Variants in ZCWPW1 observed in about 807,000 individuals in gnomAD.
ZCWPW1 encodes the protein zinc finger CW-type PWWP domain protein 1.
Under a neutral mutation model 81.3 loss-of-function variants are expected in ZCWPW1, and 56 were observed. The observed-to-expected ratio is 0.69, with a 90% CI of 0.56 to 0.86. ZCWPW1 has a LOEUF of 0.86. Ranked by LOEUF, ZCWPW1 falls within the 40% of genes least tolerant of loss-of-function variation. The pLI, the probability that ZCWPW1 is intolerant of heterozygous loss-of-function variation, is 0.00. For missense variants in ZCWPW1, 650 were observed against 769.8 expected, an observed-to-expected ratio of 0.84 and a Z score of 1.84; for synonymous variants, 250 against 273.7, an observed-to-expected ratio of 0.91 and a Z score of 0.86.
At position 100,403,689 on chromosome 7, in the gene ZCWPW1, C is replaced by T; in HGVS notation, c.1413+5G>A. On this transcript the variant is annotated splice_donor_5th_base_variant and intron_variant, in intron 15 of 17. Coordinates refer to ENST00000684423, the MANE Select transcript of ZCWPW1 (RefSeq NM_001386010.1). ...AATAAAAACTGAAATTAAAGCTAATCTTACTGTTTTCTCTCCTTCCTCCTT... is the reference window on the plus strand; with the variant it reads ...AATAAAAACTGAAATTAAAGCTAATTTTACTGTTTTCTCTCCTTCCTCCTT... 1.2e-6 allele frequency: 2 copies of T among 1,605,970 alleles called. No homozygotes were observed. Among genetic ancestry groups the T allele is most frequent in the East Asian group, 2.2e-5 (1 of 44,686 alleles).
rs201989132 is a variant in ZCWPW1 at position 100,404,290 on chromosome 7, C to T, written c.1255-46G>A. Reference sequence around the variant, plus strand: ...AAGCATCATCCACTACCCTTTCAGGCGCAGCTTTTGCCTTCTGTCTTCTGG... The same window carrying T: ...AAGCATCATCCACTACCCTTTCAGGTGCAGCTTTTGCCTTCTGTCTTCTGG... On this transcript the variant is annotated intron_variant, in intron 13 of 17. Transcript: ENST00000684423. 2.4e-5 allele frequency: 38 copies of T among 1,574,308 alleles called. No homozygotes were observed. In the Middle Eastern group the frequency reaches 5.0e-4, roughly 21 times the overall value.
In ZCWPW1 at chr7:100,401,914, T is replaced by C. The variant is rs568467361; in HGVS notation, c.1602A>G (p.Gln534=). The change falls in exon 17 of 18, where the codon CAA becomes CAG. Residue 534 remains glutamine (Q), a synonymous_variant. Transcript: ENST00000684423. ...CTGGCTGGTCAGAATCTGAATTCCC[T>C]TGGCCTTCTTTCCTTCCCATTCTGG... is the stretch of plus-strand genomic sequence containing the variant. ...PAPRMGRKEG[Q]GNSDSDQPGP... 8.7e-6 allele frequency: 14 copies of C among 1,613,942 alleles called. No individual in the cohort carries two copies. In the African/African-American group the frequency reaches 1.9e-4, roughly 22 times the overall value.
chr7:100,422,497 G>A (rs1390005658), intron 2 of ZCWPW1, among the ~76,000 whole-genome samples: 3 of 152,158 alleles, frequency 2.0e-5, no homozygotes, highest in Non-Finnish European at 4.4e-5. Context: ...ACTCATCTGC[G>A]AACATTCCAG....
At chr7:100,416,743 C>T (rs575060238) in intron 6 of ZCWPW1, among the ~76,000 whole-genome samples, 46 of 152,106 alleles carry the variant, frequency 3.0e-4, no homozygotes, top group African/African-American at 1.0e-3. Context: ...GTCAGGAGTT[C>T]GAGACCAACC....
At chr7:100,403,549 T>C (rs1221736614) in intron 15 of ZCWPW1, 145 bp downstream of exon 15, 2 of 411,916 alleles carry the variant, frequency 4.9e-6, no homozygotes, top group Non-Finnish European at 8.5e-6. Flanking sequence ...GTTGGCCAGG[T>C]GTGGTGGCTC....
Position 100,419,658 on chromosome 7 carries a change from A to C in ZCWPW1, c.254T>G (p.Ile85Ser). The change falls in exon 4 of 18, where the codon ATC (isoleucine) becomes AGC (serine). Residue 85 changes from isoleucine (I) to serine (S), a missense_variant. By Grantham distance (142) the Ile-to-Ser change is moderately radical. Coordinates refer to ENST00000684423, the MANE Select transcript of ZCWPW1 (RefSeq NM_001386010.1). ...TTCTTTCTTCTCTGCTTGCTTGTTG[A>C]TTTGTGCCTTTCTTTTTTTCTCCTG... ...REQEKKRKAQ[I>S]NKQAEKKEKE... 1 of 1,611,854 alleles carries C rather than the reference A, an allele frequency of 6.2e-7. No individual in the cohort carries two copies. The highest frequency in any genetic ancestry group is 8.5e-7 in the Non-Finnish European group (1 of 1,179,514).
rs544426111 is a variant in ZCWPW1 at position 100,407,054 on chromosome 7, T to C, written c.1068+174A>G. ...GGATAAATATTTAATTAGATACAAG[T>C]TTGTTTCTATTATATGTGTGAGCAC... On this transcript the variant is annotated intron_variant, in intron 11 of 17. Coordinates refer to ENST00000684423, the MANE Select transcript of ZCWPW1 (RefSeq NM_001386010.1). 1.4e-3 allele frequency among the ~76,000 whole-genome samples: 212 copies of C among 152,220 alleles called. 6 individuals carry two copies. Among genetic ancestry groups the C allele is most frequent in the Admixed American group, 0.013 (205 of 15,302 alleles).
chr7:100,401,189 T>C lies in ZCWPW1; in HGVS notation c.1775A>G (p.His592Arg). Reference sequence around the variant, plus strand: ...AGCCTCCTGGGTCAGGGGTTCCCGGTGTCTGGGCTCTTCTTTCGCAGATGA... The same window carrying C: ...AGCCTCCTGGGTCAGGGGTTCCCGGCGTCTGGGCTCTTCTTTCGCAGATGA... ...CPSSAKEEPR[H>R]REPLTQEAGS... Residue 592 changes from histidine (H) to arginine (R), a missense_variant, in exon 18 of 18, where the codon CAC becomes CGC. His to Arg is a conservative substitution (Grantham distance 29). Transcript: ENST00000684423. 1 of 1,614,214 alleles carries C rather than the reference T, an allele frequency of 6.2e-7. No homozygotes were observed. The highest frequency in any genetic ancestry group is 8.5e-7 in the Non-Finnish European group (1 of 1,180,030).
At position 100,405,095 on chromosome 7, in the gene ZCWPW1, T is replaced by C. The variant is rs767929906; in HGVS notation, c.1174-2A>G. 1.7e-5 allele frequency: 28 copies of C among 1,611,602 alleles called. No homozygotes were observed. The highest frequency in any genetic ancestry group is 2.3e-5 in the Non-Finnish European group (27 of 1,179,054). On this transcript the variant is annotated splice_acceptor_variant, in intron 12 of 17. Coordinates refer to ENST00000684423, the MANE Select transcript of ZCWPW1 (RefSeq NM_001386010.1). LOFTEE classifies it high-confidence loss of function. ...GCTGCAGTCATTTCTGCGCTTTTTC[T>C]GAAATAGAAGATTAGAGCCAATGAT...
intron 2 of ZCWPW1, among the ~76,000 whole-genome samples, chr7:100,424,005 G>A (rs1439582169): frequency 2.0e-5 from 3 of 151,328 alleles, no homozygotes; most frequent in Non-Finnish European, 2.9e-5. Flanking sequence ...AGGAGGCGGA[G>A]GTTGCAGTGA....
intron 15 of ZCWPW1, among the ~76,000 whole-genome samples, chr7:100,403,424 C>T (rs1219450214): frequency 2.6e-5 from 4 of 152,010 alleles, no homozygotes; most frequent in African/African-American, 7.2e-5. Flanking sequence ...ACTGTGTTAG[C>T]CAGGATGGTC....
intron 1 of ZCWPW1, among the ~76,000 whole-genome samples, chr7:100,426,079 C>T (rs1797267311): frequency 1.3e-5 from 2 of 152,244 alleles, no homozygotes. Flanking sequence ...ATTTCCTCTT[C>T]CTAACCATCC....
At chr7:100,418,034 G>A (rs368798433) in intron 5 of ZCWPW1, among the ~76,000 whole-genome samples, 5 of 151,860 alleles carry the variant, frequency 3.3e-5, no homozygotes, top group Non-Finnish European at 5.9e-5. Flanking sequence ...AGAGGTGCAC[G>A]CCACCACGCC....
Position 100,401,058 on chromosome 7 carries a change from T to C in ZCWPW1, c.1906A>G (p.Asn636Asp). 1.2e-6 allele frequency: 2 copies of C among 1,614,042 alleles called. No individual in the cohort carries two copies. The highest frequency in any genetic ancestry group is 1.7e-6 in the Non-Finnish European group (2 of 1,179,934). ...ACGGGGAAGTCCTCGCCATCACTGT[T>C]GCTGTGCTGCAGCTCCCCGCTCTGC... ...LGQSGELQHSNSDGEDFPVAL... is the reference protein window; with the variant it reads ...LGQSGELQHSDSDGEDFPVAL... Residue 636 changes from asparagine to aspartate, a missense_variant, in exon 18 of 18, where the codon AAC (asparagine) becomes GAC (aspartate). Physicochemically the swap from Asn to Asp is conservative, Grantham distance 23. Transcript: ENST00000684423.
chr7:100,416,990 G>T, intron 6 of ZCWPW1, 76 bp downstream of exon 6: 3 of 1,024,290 alleles, frequency 2.9e-6, no homozygotes, highest in Non-Finnish European at 3.0e-6. Context: ...CAGATAGACA[G>T]ACAGATAGAT....
At chr7:100,420,175 AG>A (rs943732252) in intron 3 of ZCWPW1, among the ~76,000 whole-genome samples, 3 of 152,236 alleles carry the variant, frequency 2.0e-5, no homozygotes, top group Non-Finnish European at 4.4e-5. Flanking sequence ...CAGGAAGCTG[AG>A]TTATCCAAAT....
chr7:100,406,882 A>C, intron 11 of ZCWPW1, 84 bp from the exon 12 acceptor site: 1 of 1,259,510 alleles, frequency 7.9e-7, no homozygotes, highest in South Asian at 1.3e-5. Flanking sequence ...GGAGAATGGG[A>C]ATTCACCCAG....
intron 8 of ZCWPW1, among the ~76,000 whole-genome samples, chr7:100,412,809 C>T (rs1327990394): frequency 6.6e-6 from 1 of 152,174 alleles, no homozygotes; most frequent in African/African-American, 2.4e-5. Flanking sequence ...TCTTGATCTC[C>T]TGACCTCGTG....
intron 2 of ZCWPW1, among the ~76,000 whole-genome samples, chr7:100,423,124 A>T (rs970127317): frequency 1.2e-4 from 19 of 152,310 alleles, no homozygotes; most frequent in Middle Eastern, 3.4e-3. Flanking sequence ...CCCTTTCTAC[A>T]GATAAAAAAA....
Sources: allele counts gnomAD v4.1 joint callset (sites outside exome capture counted in the v4.1 genomes callset), GRCh38; gene constraint gnomAD v4.1.1; transcripts MANE v1.5; gene names NCBI Gene and HGNC (gene_info 2026-07-23, HGNC 2026-07-21).